Variants in ACSS1 observed in about 807,000 individuals in gnomAD.
ACSS1 encodes the protein acetyl-coenzyme A synthetase 2-like, mitochondrial.
Under a neutral mutation model 75.3 loss-of-function variants are expected in ACSS1, and 42 were observed. The observed-to-expected ratio is 0.56, with a 90% confidence interval of 0.44 to 0.72. The LOEUF (loss-of-function observed/expected upper bound fraction) is 0.72. Among genes scored for constraint, ACSS1 ranks in the 30% least tolerant of loss-of-function variants. The pLI is 0.00. For missense variants in ACSS1, 782 were observed against 935.7 expected, an observed-to-expected ratio of 0.84 and a Z score of 2.14; for synonymous variants, 380 against 376.8, an observed-to-expected ratio of 1.01 and a Z score of -0.10.
At chr20:25,047,543 C>T (rs1177661484) in intron 2 of ACSS1, among the ~76,000 whole-genome samples, 2 of 152,180 alleles carry the variant, frequency 1.3e-5, no homozygotes, top group African/African-American at 2.4e-5. Flanking sequence ...CCTGGAGCTG[C>T]CCCCAGGAGA....
intron 2 of ACSS1, among the ~76,000 whole-genome samples, chr20:25,031,579 G>A (rs1181167808): frequency 2.0e-5 from 3 of 152,170 alleles, no homozygotes; most frequent in Non-Finnish European, 4.4e-5. Flanking sequence ...CCCTATATAA[G>A]AAAGAAACAA....
intron 2 of ACSS1, among the ~76,000 whole-genome samples, chr20:25,036,681 A>G (rs908797444): frequency 1.3e-5 from 2 of 152,114 alleles, no homozygotes; most frequent in Admixed American, 6.5e-5. Context: ...AAGGCTGGGC[A>G]TAGTGGCTCA....
intron 2 of ACSS1, among the ~76,000 whole-genome samples, chr20:25,037,120 A>T (rs1351881507): frequency 2.6e-5 from 4 of 152,208 alleles, no homozygotes; most frequent in Non-Finnish European, 4.4e-5. Flanking sequence ...TGAAATAAAC[A>T]TTAGCTAACA....
chr20:25,034,757 G>T (rs956432603), intron 2 of ACSS1, among the ~76,000 whole-genome samples: 1 of 151,942 alleles, frequency 6.6e-6, no homozygotes, highest in Non-Finnish European at 1.5e-5. Context: ...TAGTAGAGAC[G>T]GGGTTTCTCC....
chr20:25,025,951 T>C (rs902393918), intron 3 of ACSS1, among the ~76,000 whole-genome samples: 3 of 152,170 alleles, frequency 2.0e-5, no homozygotes, highest in African/African-American at 7.2e-5. Context: ...GCAAGTGACA[T>C]AGCACAGCTT....
chr20:25,021,934 A>T (rs1600318498), intron 5 of ACSS1, among the ~76,000 whole-genome samples: 1 of 152,232 alleles, frequency 6.6e-6, no homozygotes, highest in Admixed American at 6.5e-5. Context: ...CGTGCAGGAA[A>T]CACAGAGGCA....
chr20:25,036,316 A>G (rs2088906741), intron 2 of ACSS1, among the ~76,000 whole-genome samples: 1 of 152,116 alleles, frequency 6.6e-6, no homozygotes, highest in Admixed American at 6.5e-5. Context: ...CTTATTACCA[A>G]CTCTTAACAT....
chr20:25,019,986 C>A, intron 7 of ACSS1, 24 bp downstream of exon 7: 1 of 1,613,966 alleles, frequency 6.2e-7, no homozygotes, highest in South Asian at 1.1e-5. Flanking sequence ...CACAACCTCT[C>A]CTGCTGCAGG....
chr20:25,016,715 G>A (rs2088523032), intron 7 of ACSS1, among the ~76,000 whole-genome samples: 1 of 152,264 alleles, frequency 6.6e-6, no homozygotes, highest in African/African-American at 2.4e-5. Context: ...CACGCTGGGA[G>A]ACTGCGACAG....
At chr20:25,032,368 C>T (rs1470961937) in intron 2 of ACSS1, 3 of 1,355,136 alleles carry the variant, frequency 2.2e-6, no homozygotes, top group Admixed American at 3.1e-5. Context: ...CGCCAACTTG[C>T]CGGCCATGCG....
intron 1 of ACSS1, among the ~76,000 whole-genome samples, chr20:25,054,157 A>G (rs2089212289): frequency 6.6e-6 from 1 of 152,232 alleles, no homozygotes; most frequent in African/African-American, 2.4e-5. Context: ...TCAACTGGCT[A>G]TTGGAGTTGT....
Position 25,057,941 on chromosome 20 carries a change from C to T in ACSS1, c.162G>A (p.Gln54=). 6.2e-7 allele frequency: 1 copy of T among 1,604,656 alleles called. No homozygotes were observed. Among genetic ancestry groups the T allele is most frequent in the Non-Finnish European group, 8.5e-7 (1 of 1,176,106 alleles). ...CACTCAGCGCGGGATACGAGCCTGGCTGTGCTGCTGCTGCTGCAACTGCGG... is the reference window on the plus strand; with the variant it reads ...CACTCAGCGCGGGATACGAGCCTGGTTGTGCTGCTGCTGCTGCAACTGCGG... ...SAPAVAAAAA[Q]PGSYPALSAQ... The change falls in exon 1 of 14, where the codon CAG becomes CAA. Residue 54 remains glutamine (Q), a synonymous_variant. Transcript: ENST00000323482.
rs367670992 is a variant in ACSS1 at position 25,013,638 on chromosome 20, C to T, written c.1477G>A (p.Val493Ile). 22 of 1,607,490 alleles carry T rather than the reference C, an allele frequency of 1.4e-5. No individual in the cohort carries two copies. The highest frequency in any genetic ancestry group is 9.3e-5 in the African/African-American group (7 of 74,966). Residue 493 changes from valine (V) to isoleucine (I), a missense_variant, in exon 10 of 14, where the codon GTC becomes ATC. Physicochemically the swap from Val to Ile is conservative, Grantham distance 29. Transcript: ENST00000323482. ...TGGGAGATGCACAGGGCCCCGGAGA[C>T]GTTGCTGCCCTCCACGACGCTGCCC... is the stretch of plus-strand genomic sequence containing the variant. ...EKGSVVEGSN[V>I]SGALCISQAW...
intron 5 of ACSS1, among the ~76,000 whole-genome samples, chr20:25,022,163 C>A (rs1258389908): frequency 6.6e-6 from 1 of 152,120 alleles, no homozygotes; most frequent in East Asian, 1.9e-4. Flanking sequence ...TCAAGACCAG[C>A]CTGACCAACA....
intron 3 of ACSS1, among the ~76,000 whole-genome samples, chr20:25,028,771 T>G (rs2088772816): frequency 6.6e-6 from 1 of 152,130 alleles, no homozygotes; most frequent in Non-Finnish European, 1.5e-5. Flanking sequence ...ACTACAAAAA[T>G]TAGCTCGATG....
chr20:25,029,804 C>A (rs1283563731), intron 3 of ACSS1, among the ~76,000 whole-genome samples: 1 of 152,014 alleles, frequency 6.6e-6, no homozygotes, highest in Non-Finnish European at 1.5e-5. Context: ...GAATTGTACA[C>A]TTTAAGATGG....
chr20:25,018,492 A>G (rs1259982132), intron 7 of ACSS1, among the ~76,000 whole-genome samples: 1 of 152,200 alleles, frequency 6.6e-6, no homozygotes, highest in Non-Finnish European at 1.5e-5. Flanking sequence ...TTGAGGGTAC[A>G]GGGTGGGGGC....
intron 2 of ACSS1, among the ~76,000 whole-genome samples, chr20:25,038,362 G>GC (rs1289114764): frequency 6.6e-6 from 1 of 152,166 alleles, no homozygotes; most frequent in Non-Finnish European, 1.5e-5. Flanking sequence ...CTGTGAAATG[G>GC]CCTAATAATA....
chr20:25,044,821 G>A (rs562978594), intron 2 of ACSS1, among the ~76,000 whole-genome samples: 3 of 152,186 alleles, frequency 2.0e-5, no homozygotes, highest in Non-Finnish European at 2.9e-5. Context: ...AGCTGGCTCC[G>A]GGCAGAGGAA....
Sources: gnomAD v4.1 joint callset for allele counts (sites outside exome capture counted in the v4.1 genomes callset) on GRCh38, gnomAD v4.1.1 for gene constraint, MANE v1.5 for transcripts, NCBI Gene and HGNC (gene_info 2026-07-23, HGNC 2026-07-21) for gene names.